Variants in PTK2B observed in about 807,000 individuals in gnomAD.
The protein encoded by PTK2B is protein tyrosine kinase 2 beta.
In PTK2B, 71 loss-of-function variants were observed where a neutral mutation model predicts 142.9. The observed-to-expected ratio is 0.50, with a 90% CI of 0.41 to 0.61. PTK2B has a LOEUF of 0.61. Ranked by LOEUF, PTK2B falls within the 20% of genes least tolerant of loss-of-function variation. PTK2B has a pLI of 0.00. For missense variants in PTK2B, 1,105 were observed against 1,320.4 expected, an observed-to-expected ratio of 0.84 and a Z score of 2.53; for synonymous variants, 519 against 503.4, an observed-to-expected ratio of 1.03 and a Z score of -0.42.
chr8:27,351,939 C>A (rs897257715), intron 1 of PTK2B, among the ~76,000 whole-genome samples: 1 of 152,212 alleles, frequency 6.6e-6, no homozygotes, highest in African/African-American at 2.4e-5. Flanking sequence ...GTTTGAATGC[C>A]ATCCCCCGCA....
chr8:27,449,194 G>A (rs1000864398), intron 24 of PTK2B, among the ~76,000 whole-genome samples: 1 of 152,208 alleles, frequency 6.6e-6, no homozygotes, highest in African/African-American at 2.4e-5. Flanking sequence ...AACCCCACGA[G>A]AATAAGAACA....
intron 1 of PTK2B, among the ~76,000 whole-genome samples, chr8:27,393,140 A>C (rs1025327088): frequency 6.6e-6 from 1 of 152,210 alleles, no homozygotes; most frequent in South Asian, 2.1e-4. Flanking sequence ...TGAATCCTTG[A>C]CCAAATGGCT....
chr8:27,391,481 G>T (rs531485752), intron 1 of PTK2B, among the ~76,000 whole-genome samples: 42 of 152,290 alleles, frequency 2.8e-4, no homozygotes, highest in African/African-American at 9.4e-4. Flanking sequence ...TCCCCAAGAG[G>T]CTAAGCTGTT....
intron 1 of PTK2B, among the ~76,000 whole-genome samples, chr8:27,379,267 G>A (rs1310282438): frequency 6.6e-6 from 1 of 152,160 alleles, no homozygotes; most frequent in Non-Finnish European, 1.5e-5. Flanking sequence ...TTGGAGACAG[G>A]GTCTCATTCT....
intron 1 of PTK2B, among the ~76,000 whole-genome samples, chr8:27,382,042 TG>T (rs1194439643): frequency 6.6e-6 from 1 of 152,180 alleles, no homozygotes; most frequent in Non-Finnish European, 1.5e-5. Flanking sequence ...CTTTGCCTCC[TG>T]GGTTCCAATG....
chr8:27,324,073 A>G (rs1050388537), upstream of PTK2B, among the ~76,000 whole-genome samples: 1 of 152,206 alleles, frequency 6.6e-6, no homozygotes, highest in African/African-American at 2.4e-5. Flanking sequence ...TCCAAGCGCA[A>G]GAATACGGAG....
chr8:27,397,722 T>C lies in PTK2B; in HGVS notation c.138T>C (p.Tyr46=), dbSNP rs766333556. 1.2e-6 allele frequency: 2 copies of C among 1,614,158 alleles called. No individual in the cohort carries two copies. The highest frequency in any genetic ancestry group is 1.3e-5 in the African/African-American group (1 of 74,946). Residue 46 remains tyrosine (Y), a synonymous_variant, in exon 2 of 31, where the codon TAT becomes TAC. Coordinates refer to ENST00000346049, the MANE Select transcript of PTK2B (RefSeq NM_173176.3). ...EDVRILKVCF[Y]SNSFNPGKNF... is the part of the protein sequence containing the mutation. ...TGCGTATCCTCAAGGTCTGCTTCTATAGCAACAGCTTCAATCCTGGGAAAA... is the reference window on the plus strand; with the variant it reads ...TGCGTATCCTCAAGGTCTGCTTCTACAGCAACAGCTTCAATCCTGGGAAAA...
intron 1 of PTK2B, among the ~76,000 whole-genome samples, chr8:27,364,670 G>A (rs75115424): frequency 0.017 from 2,539 of 152,318 alleles, 42 homozygotes; most frequent in Non-Finnish European, 0.026. Context: ...CTGCATATGA[G>A]TGATCCCAGA....
intron 13 of PTK2B, 148 bp downstream of exon 13, chr8:27,434,707 T>C (rs1810666311): frequency 3.1e-6 from 3 of 957,938 alleles, no homozygotes; most frequent in Non-Finnish European, 3.1e-6. Context: ...GGCTTTAAAA[T>C]ATCGTGAATT....
At chr8:27,366,376 A>G (rs557951634) in intron 1 of PTK2B, among the ~76,000 whole-genome samples, 3 of 152,230 alleles carry the variant, frequency 2.0e-5, no homozygotes, top group South Asian at 2.1e-4. Flanking sequence ...TTTGTCTCCT[A>G]TGTGTACAAA....
chr8:27,398,589 C>T (rs964034461), intron 2 of PTK2B, among the ~76,000 whole-genome samples: 3 of 152,222 alleles, frequency 2.0e-5, no homozygotes, highest in African/African-American at 7.2e-5. Flanking sequence ...ACATACCTTT[C>T]CTCTGCCCAG....
intron 1 of PTK2B, chr8:27,380,575 A>G (rs988878961): frequency 6.6e-6 from 1 of 152,064 alleles, no homozygotes; most frequent in Non-Finnish European, 1.5e-5. Flanking sequence ...TTTTTTCCCA[A>G]TAAAGGGCTT....
upstream of PTK2B, chr8:27,311,035 G>A (rs758144604): frequency 1.9e-6 from 3 of 1,603,584 alleles, no homozygotes; most frequent in South Asian, 3.3e-5. Context: ...TGCGCAGGTC[G>A]GCGGGTGACG....
chr8:27,378,155 C>G (rs1312816959), intron 1 of PTK2B, among the ~76,000 whole-genome samples: 2 of 152,086 alleles, frequency 1.3e-5, no homozygotes, highest in Non-Finnish European at 2.9e-5. Context: ...TCTCCCTCAC[C>G]TTTTCTTCCC....
Position 27,361,624 on chromosome 8 carries a change from G to A in PTK2B, c.-37-35924G>A, listed in dbSNP as rs189381838. Among the ~76,000 whole-genome samples the A allele has an allele frequency of 3.2e-4, 48 of 152,210 alleles. No individual in the cohort carries two copies. In the East Asian group the frequency reaches 7.3e-3, roughly 23 times the overall value. On this transcript the variant is annotated intron_variant, in intron 1 of 30. Coordinates refer to ENST00000346049, the MANE Select transcript of PTK2B (RefSeq NM_173176.3). The stretch of plus-strand genomic sequence containing the variant: ...ACTTCAGGGAGGGACCTTGGATAGG[G>A]GGCTTATGGGCTCCAGGCACCTTCT...
chr8:27,378,901 C>A (rs981015564), intron 1 of PTK2B, among the ~76,000 whole-genome samples: 1 of 152,094 alleles, frequency 6.6e-6, no homozygotes, highest in Admixed American at 6.5e-5. Context: ...TTTTTTCTGA[C>A]TTCCTGTGTG....
At chr8:27,421,791 G>A (rs1300244025) in intron 4 of PTK2B, among the ~76,000 whole-genome samples, 74 of 152,152 alleles carry the variant, frequency 4.9e-4, no homozygotes, top group Admixed American at 4.7e-3. Flanking sequence ...CAAACTTCCT[G>A]GACAGAATGC....
chr8:27,382,304 A>G (rs1409364296), intron 1 of PTK2B, among the ~76,000 whole-genome samples: 1 of 152,082 alleles, frequency 6.6e-6, no homozygotes, highest in Non-Finnish European at 1.5e-5. Context: ...AAAAAAAATT[A>G]TTATTATTTA....
chr8:27,311,135 A>G (rs1474746099), upstream of PTK2B: 5 of 1,603,616 alleles, frequency 3.1e-6, no homozygotes, highest in East Asian at 9.0e-5. Context: ...GCCGCAGCGC[A>G]GAGTGACTGC....
Sources: gnomAD v4.1 joint callset for allele counts (sites outside exome capture counted in the v4.1 genomes callset) on GRCh38, gnomAD v4.1.1 for gene constraint, MANE v1.5 for transcripts, NCBI Gene and HGNC (gene_info 2026-07-23, HGNC 2026-07-21) for gene names.